Variants in AKAP12 observed in about 807,000 individuals in gnomAD.
The protein encoded by AKAP12 is A-kinase anchoring protein 12, also known as A-kinase anchor protein 12.
A neutral mutation model predicts 79.9 loss-of-function variants in AKAP12; 32 were observed. That is an observed-to-expected ratio of 0.40 (90% CI 0.30 to 0.54). The LOEUF is 0.54. Ranked by LOEUF, AKAP12 falls within the 20% of genes least tolerant of loss-of-function variation. The probability of loss-of-function intolerance (pLI) is 0.48; values close to 1 mark genes in which losing one functional copy is unlikely to be tolerated. For missense variants in AKAP12, 2,074 were observed against 2,177.0 expected (o/e 0.95, Z 0.94); for synonymous variants, 808 against 857.0 (o/e 0.94, Z 1.00).
At chr6:151,252,261 C>T (rs1258095090) in intron 2 of AKAP12, among the ~76,000 whole-genome samples, 1 of 151,386 alleles carries the variant, frequency 6.6e-6, no homozygotes, top group African/African-American at 2.4e-5. Flanking sequence ...TGCAGCAGCG[C>T]GATCTCAGCT....
chr6:151,264,329 A>T (rs1797504714), intron 2 of AKAP12, among the ~76,000 whole-genome samples: 1 of 151,378 alleles, frequency 6.6e-6, no homozygotes, highest in Non-Finnish European at 1.5e-5. Context: ...CACTGACATC[A>T]TAAAAGAATA....
At chr6:151,329,727 T>G (rs1440512294) in intron 3 of AKAP12, among the ~76,000 whole-genome samples, 2 of 152,226 alleles carry the variant, frequency 1.3e-5, no homozygotes, top group African/African-American at 2.4e-5. Flanking sequence ...AACTGCTGGA[T>G]TAATAACTAC....
intron 3 of AKAP12, chr6:151,343,802 AAAG>A (rs944403772): frequency 3.4e-6 from 1 of 295,710 alleles, no homozygotes; most frequent in African/African-American, 2.4e-5. Flanking sequence ...AAAAAAGAAA[AAAG>A]AAATAGTTCA....
intron 2 of AKAP12, among the ~76,000 whole-genome samples, chr6:151,268,900 TC>T (rs1346940304): frequency 2.0e-5 from 3 of 148,778 alleles, no homozygotes; most frequent in African/African-American, 7.4e-5. Flanking sequence ...CGCCTTGGCT[TC>T]CCAAATTTCT....
Position 151,348,692 on chromosome 6 carries a change from C to G in AKAP12, c.320-19C>G, listed in dbSNP as rs766670807. On this transcript the variant is annotated intron_variant, in intron 3 of 4. Coordinates refer to ENST00000402676, the MANE Select transcript of AKAP12 (RefSeq NM_005100.4). ...ACCTTTTCTCTTCTCCCCACCCCCC[C>G]GCCCCTTTTTGTTAATAGTTGGACA... 2.9e-6 allele frequency: 1 copy of G among 349,446 alleles called. No individual in the cohort carries two copies. The highest frequency in any genetic ancestry group is 5.7e-6 in the Non-Finnish European group (1 of 175,642). 21.6% of individuals were successfully genotyped at this position (349,446 alleles called of 1,614,324 possible). A position where few individuals can be genotyped will look rare whatever the true frequency, so the allele number is the denominator to read the frequency against.
At position 151,352,523 on chromosome 6, in the gene AKAP12, G is replaced by A. The variant is rs1167410987; in HGVS notation, c.4132G>A (p.Val1378Met). 26 of 1,614,092 alleles carry A rather than the reference G, an allele frequency of 1.6e-5. No homozygotes were observed. Among genetic ancestry groups the A allele is most frequent in the Non-Finnish European group, 1.9e-5 (22 of 1,180,054 alleles). ...EEVSKQLLQT[V>M]NVPIIDGAKE... Reference sequence around the variant, plus strand: ...GGTCAGTAAGCAGCTCCTCCAGACAGTGAATGTGCCCATCATAGATGGGGC... The same window carrying A: ...GGTCAGTAAGCAGCTCCTCCAGACAATGAATGTGCCCATCATAGATGGGGC... The change falls in exon 4 of 5, where the codon GTG (valine) becomes ATG (methionine). Residue 1378 changes from valine (V) to methionine (M), a missense_variant. Around this residue, in one of 3 missense-constraint regions of AKAP12, gnomAD observed 614 missense variants for 665.6 expected, o/e 0.92. Transcript: ENST00000402676.
At chr6:151,280,602 C>A (rs898808639) in intron 2 of AKAP12, 2 of 151,522 alleles carry the variant, frequency 1.3e-5, no homozygotes, top group East Asian at 1.9e-4. Flanking sequence ...GCTGCCAAAC[C>A]AAACGAGCGC....
In AKAP12 at chr6:151,350,760, A is replaced by G; in HGVS notation, c.2369A>G (p.Glu790Gly). ...SEDSIAGSGV[E>G]HSTPDTEPGK... is the part of the protein sequence containing the mutation. ...GACTCCATAGCTGGGTCTGGTGTAGAACATTCCACTCCAGACACTGAACCC... is the reference window on the plus strand; with the variant it reads ...GACTCCATAGCTGGGTCTGGTGTAGGACATTCCACTCCAGACACTGAACCC... The change falls in exon 4 of 5, where the codon GAA (glutamate) becomes GGA (glycine). Residue 790 changes from glutamate to glycine, a missense_variant. Glu to Gly is a moderately conservative substitution (Grantham distance 98). Transcript: ENST00000402676. The surrounding 1 kb of genome is among the most constrained non-coding windows in gnomAD (Gnocchi z 4.8). 1 of 1,614,102 alleles carries G rather than the reference A, an allele frequency of 6.2e-7. No individual in the cohort carries two copies. Among genetic ancestry groups the G allele is most frequent in the Non-Finnish European group, 8.5e-7 (1 of 1,180,008 alleles).
At chr6:151,269,276 T>A (rs1302056554) in intron 2 of AKAP12, among the ~76,000 whole-genome samples, 2 of 152,018 alleles carry the variant, frequency 1.3e-5, no homozygotes, top group Non-Finnish European at 2.9e-5. Flanking sequence ...CATTTTCAGT[T>A]TTTTTGTGTG....
At chr6:151,301,109 C>T (rs985977650) in intron 2 of AKAP12, among the ~76,000 whole-genome samples, 1 of 152,136 alleles carries the variant, frequency 6.6e-6, no homozygotes, top group African/African-American at 2.4e-5. Context: ...GGGTGGTCCT[C>T]GAATCCCATC....
rs936194357 is a variant in AKAP12 at position 151,299,404 on chromosome 6, A to G, written c.163-6343A>G. On this transcript the variant is annotated intron_variant, in intron 2 of 4. Coordinates refer to ENST00000402676, the MANE Select transcript of AKAP12 (RefSeq NM_005100.4). ...AAAAGGAAACCGTGTCTGTTCTCCC[A>G]ATTTCCCTCTAAGAGGATAAAACCA... 2.0e-5 allele frequency among the ~76,000 whole-genome samples: 3 copies of G among 152,122 alleles called. No individual in the cohort carries two copies. In the South Asian group the frequency reaches 6.2e-4, roughly 31 times the overall value.
At chr6:151,261,636 G>A (rs1010885783) in intron 2 of AKAP12, among the ~76,000 whole-genome samples, 1 of 151,758 alleles carries the variant, frequency 6.6e-6, no homozygotes, top group Admixed American at 6.6e-5. Flanking sequence ...GGGAGGTGGA[G>A]GTTGCAGTGA....
chr6:151,244,828 T>C (rs945083867), intron 2 of AKAP12, among the ~76,000 whole-genome samples: 9 of 152,224 alleles, frequency 5.9e-5, no homozygotes, highest in East Asian at 3.8e-4. Flanking sequence ...ATTGGAGATA[T>C]GGATGTGGGG....
intron 3 of AKAP12, chr6:151,325,935 G>A: frequency 6.2e-7 from 1 of 1,613,906 alleles, no homozygotes; most frequent in South Asian, 1.1e-5. Flanking sequence ...GCAGGCACGG[G>A]GCACGAAAAG....
intron 2 of AKAP12, among the ~76,000 whole-genome samples, chr6:151,290,489 T>C (rs1279285535): frequency 6.6e-6 from 1 of 152,156 alleles, no homozygotes; most frequent in Non-Finnish European, 1.5e-5. Context: ...GCCAAGCAGA[T>C]TGACCCCTGA....
In AKAP12 at chr6:151,358,181, A is replaced by T. The variant is rs1778491040; in HGVS notation, c.*2467A>T. 2 of 152,244 alleles carry T rather than the reference A, an allele frequency of 1.3e-5. No individual in the cohort carries two copies. The highest frequency in any genetic ancestry group is 2.9e-5 in the Non-Finnish European group (2 of 68,038). The allele number at this position is 152,244 out of a possible 1,614,324, so 9.4% of individuals were successfully genotyped here. ...TGAAGTACATAATAATCTAATGTAA[A>T]CTGCAGAAGTCAGAGCAAGTGCCTA... is the stretch of plus-strand genomic sequence containing the variant. On this transcript the variant is annotated 3_prime_UTR_variant, in exon 5 of 5. Transcript: ENST00000402676.
chr6:151,349,150 T>G lies in AKAP12; in HGVS notation c.759T>G (p.Ser253=). The G allele has an allele frequency of 6.2e-7, 1 of 1,612,980 alleles. No individual in the cohort carries two copies. The highest frequency in any genetic ancestry group is 2.2e-5 in the East Asian group (1 of 44,800). Reference sequence around the variant, plus strand: ...GTGAGCAAAGCCACGCAGAAATTTCTCCCCCAGCCGAATCTGGCCAAGCAG... The same window carrying G: ...GTGAGCAAAGCCACGCAGAAATTTCGCCCCCAGCCGAATCTGGCCAAGCAG... The part of the protein sequence containing the change: ...LKREQSHAEI[S]PPAESGQAVE... Residue 253 remains serine (S), a synonymous_variant, in exon 4 of 5, where the codon TCT becomes TCG. Coordinates refer to ENST00000402676, the MANE Select transcript of AKAP12 (RefSeq NM_005100.4).
chr6:151,275,492 C>A (rs1209599561), intron 2 of AKAP12, among the ~76,000 whole-genome samples: 1 of 152,112 alleles, frequency 6.6e-6, no homozygotes, highest in South Asian at 2.1e-4. Flanking sequence ...AGGTGGTCAA[C>A]AAAACAGCGT....
chr6:151,266,232 A>T (rs1218408645), intron 2 of AKAP12, among the ~76,000 whole-genome samples: 1 of 152,246 alleles, frequency 6.6e-6, no homozygotes, highest in Non-Finnish European at 1.5e-5. Flanking sequence ...GTTAGGATAG[A>T]TAGCTGATGC....
Sources: gnomAD v4.1 joint callset for allele counts (sites outside exome capture counted in the v4.1 genomes callset) on GRCh38, gnomAD v4.1.1 for gene constraint, gnomAD v4.1.1 regional missense constraint, Gnocchi (gnomAD v3.1) non-coding constraint, MANE v1.5 for transcripts, NCBI Gene and HGNC (gene_info 2026-07-23, HGNC 2026-07-21) for gene names.